The following FTO variants were observed in gnomAD, a reference collection of about 807,000 sequenced individuals.
The protein encoded by FTO is alpha-ketoglutarate-dependent dioxygenase FTO.
FTO carries 47 observed loss-of-function variants against 63.9 expected under a neutral mutation model. That is an observed-to-expected ratio of 0.74 (90% confidence interval 0.58 to 0.94). The LOEUF is 0.94. Among genes scored for constraint, FTO ranks in the 40% least tolerant of loss-of-function variants. The pLI is 0.00. For missense variants in FTO, 562 were observed against 618.1 expected, an observed-to-expected ratio of 0.91 and a Z score of 0.96; for synonymous variants, 207 against 224.4, an observed-to-expected ratio of 0.92 and a Z score of 0.69.
intron 8 of FTO, among the ~76,000 whole-genome samples, chr16:54,096,010 T>C (rs2086507923): frequency 6.6e-6 from 1 of 152,268 alleles, no homozygotes; most frequent in Non-Finnish European, 1.5e-5. Flanking sequence ...ATGTGTTTAT[T>C]ACCTGACTTT....
chr16:54,018,637 T>G (rs992981920), intron 8 of FTO, among the ~76,000 whole-genome samples: 36 of 152,112 alleles, frequency 2.4e-4, no homozygotes, highest in African/African-American at 8.7e-4. Context: ...CATGCTAGTC[T>G]CGTGATAGTG....
chr16:54,102,332 C>T (rs1208141205), intron 8 of FTO, among the ~76,000 whole-genome samples: 1 of 152,198 alleles, frequency 6.6e-6, no homozygotes, highest in African/African-American at 2.4e-5. Flanking sequence ...ACTCTGGTTC[C>T]ATAGCCAGGA....
At chr16:53,930,286 C>T (rs533693711) in intron 7 of FTO, among the ~76,000 whole-genome samples, 11 of 130,038 alleles carry the variant, frequency 8.5e-5, no homozygotes, top group South Asian at 7.4e-4. Flanking sequence ...TGAAGTGGCG[C>T]GATCTTGGCT....
intron 8 of FTO, among the ~76,000 whole-genome samples, chr16:53,983,613 C>T (rs1465096976): frequency 3.9e-5 from 6 of 151,974 alleles, no homozygotes; most frequent in African/African-American, 1.2e-4. Flanking sequence ...CAAACACACA[C>T]ACACACACAC....
intron 5 of FTO, among the ~76,000 whole-genome samples, chr16:53,874,588 G>A (rs1401007540): frequency 2.0e-5 from 3 of 152,176 alleles, no homozygotes; most frequent in African/African-American, 7.2e-5. Context: ...GACCTTTCAT[G>A]GAACTACAGG....
chr16:54,063,457 C>T (rs560876501), intron 8 of FTO, among the ~76,000 whole-genome samples: 2 of 152,254 alleles, frequency 1.3e-5, no homozygotes, highest in South Asian at 4.2e-4. Flanking sequence ...AACAGCGCTA[C>T]GTTTTACAGT....
At chr16:53,759,909 A>G (rs190826973) in intron 1 of FTO, among the ~76,000 whole-genome samples, 3 of 125,156 alleles carry the variant, frequency 2.4e-5, no homozygotes, top group Non-Finnish European at 5.0e-5. Flanking sequence ...CTGGTCTAGG[A>G]TCCAGGGTTT....
intron 1 of FTO, among the ~76,000 whole-genome samples, chr16:53,741,759 C>T (rs140491369): frequency 6.6e-6 from 1 of 152,214 alleles, no homozygotes; most frequent in African/African-American, 2.4e-5. Context: ...CAATCTGAAA[C>T]GACAAATATT....
At chr16:54,026,361 G>A (rs1378121437) in intron 8 of FTO, among the ~76,000 whole-genome samples, 1 of 152,192 alleles carries the variant, frequency 6.6e-6, no homozygotes, top group African/African-American at 2.4e-5. Context: ...GGAAGAAAGG[G>A]AGGGAAGGGT....
chr16:53,767,205 A>T lies in FTO; in HGVS notation c.46-42935A>T, dbSNP rs567806083. On this transcript the variant is annotated intron_variant, in intron 1 of 8. Coordinates refer to ENST00000471389, the MANE Select transcript of FTO (RefSeq NM_001080432.3). ...TTTAGTCTACGCACTGTCCAGAAGCATTTATTTAACCTGATGGATGGCTCA... is the reference window on the plus strand; with the variant it reads ...TTTAGTCTACGCACTGTCCAGAAGCTTTTATTTAACCTGATGGATGGCTCA... 2.6e-5 allele frequency among the ~76,000 whole-genome samples: 4 copies of T among 152,318 alleles called. No homozygotes were observed. In the East Asian group the frequency reaches 7.7e-4, roughly 29 times the overall value.
At chr16:54,062,591 C>T (rs2085608263) in intron 8 of FTO, among the ~76,000 whole-genome samples, 1 of 152,088 alleles carries the variant, frequency 6.6e-6, no homozygotes, top group African/African-American at 2.4e-5. Context: ...TTATCTGAAC[C>T]CATCATTAGC....
At chr16:53,888,727 C>T in intron 6 of FTO, 105 bp from the exon 7 acceptor site, 1 of 1,234,534 alleles carries the variant, frequency 8.1e-7, no homozygotes, top group Non-Finnish European at 1.2e-6. Context: ...TTTTCTCATC[C>T]TATGGCCATC....
At chr16:53,783,604 T>TATCAAAAAAAAAAAAA (rs397716766) in intron 1 of FTO, among the ~76,000 whole-genome samples, 1 of 68,144 alleles carries the variant, frequency 1.5e-5, no homozygotes, top group African/African-American at 5.9e-5. Context: ...CAAGACTCCA[T>TATCAAAAAAAAAAAAA]AAAAAAAAAA....
intron 8 of FTO, among the ~76,000 whole-genome samples, chr16:54,060,322 T>C (rs62034110): frequency 0.087 from 13,224 of 152,258 alleles, 980 homozygotes; most frequent in African/African-American, 0.2. Flanking sequence ...AAATGAAAAG[T>C]GTAATAAATC....
At chr16:53,959,978 G>A (rs566136964) in intron 8 of FTO, among the ~76,000 whole-genome samples, 98 of 152,240 alleles carry the variant, frequency 6.4e-4, no homozygotes, top group African/African-American at 2.2e-3. Context: ...GTGATGAACC[G>A]TAAGGATGGG....
chr16:53,937,720 T>C (rs973921746), intron 8 of FTO: 5 of 153,506 alleles, frequency 3.3e-5, no homozygotes, highest in African/African-American at 9.6e-5. Flanking sequence ...GGAAACATTT[T>C]AAAATAACAG....
At chr16:53,953,477 A>G (rs1286107688) in intron 8 of FTO, among the ~76,000 whole-genome samples, 4 of 152,238 alleles carry the variant, frequency 2.6e-5, no homozygotes, top group Non-Finnish European at 2.9e-5. Context: ...TGATACAGGT[A>G]GGAGCCAAGA....
chr16:53,948,679 C>T lies in FTO; in HGVS notation c.1364+14570C>T, dbSNP rs148108584. Among the ~76,000 whole-genome samples, 4 of 152,306 alleles carry T rather than the reference C, an allele frequency of 2.6e-5. No homozygotes were observed. In the East Asian group the frequency reaches 5.8e-4, roughly 22 times the overall value. ...CATTCATATTGTATGTGTATGCTTC[C>T]GAAGTCTCACAGTGATTTAAATGTT... On this transcript the variant is annotated intron_variant, in intron 8 of 8. Coordinates refer to ENST00000471389, the MANE Select transcript of FTO (RefSeq NM_001080432.3).
chr16:54,010,503 A>C (rs1257412106), intron 8 of FTO, among the ~76,000 whole-genome samples: 1 of 152,148 alleles, frequency 6.6e-6, no homozygotes, highest in Non-Finnish European at 1.5e-5. Flanking sequence ...ATGGGAAATC[A>C]ATATGGCACC....
Sources: allele counts gnomAD v4.1 joint callset (sites outside exome capture counted in the v4.1 genomes callset), GRCh38; gene constraint gnomAD v4.1.1; transcripts MANE v1.5; gene names NCBI Gene and HGNC (gene_info 2026-07-23, HGNC 2026-07-21).